ZNF385D: variants seen among roughly 807,000 people sequenced by gnomAD.
ZNF385D encodes the protein zinc finger protein 385D.
ZNF385D carries 15 observed loss-of-function variants against 35.8 expected under a neutral mutation model. That is an observed-to-expected ratio of 0.42 (90% CI 0.28 to 0.64). ZNF385D has a LOEUF of 0.64. ZNF385D is among the 30% of genes least tolerant of loss of function. ZNF385D has a pLI of 0.23. For synonymous variants in ZNF385D, 212 were observed against 186.8 expected, an observed-to-expected ratio of 1.13 and a Z score of -1.10; for missense variants, 474 against 494.6, an observed-to-expected ratio of 0.96 and a Z score of 0.39.
At position 22,301,459 on chromosome 3, in the gene ZNF385D, A is replaced by T. The variant is rs566958889; in HGVS notation, c.106+70991T>A. Among the ~76,000 whole-genome samples, 3 of 152,224 alleles carry T rather than the reference A, an allele frequency of 2.0e-5. No individual in the cohort carries two copies. The South Asian group carries it at 6.2e-4, about 32-fold the overall frequency. On this transcript the variant is annotated intron_variant, in intron 2 of 5. Coordinates refer to the ZNF385D transcript ENST00000494108. ...TCACCACAAAGGAATAAGTATGTACAGTAATGCATATTTGATCAGATTTAG... is the reference window on the plus strand; with the variant it reads ...TCACCACAAAGGAATAAGTATGTACTGTAATGCATATTTGATCAGATTTAG...
At chr3:22,106,322 C>T (rs779181) in intron 3 of ZNF385D, among the ~76,000 whole-genome samples, 118,209 of 152,014 alleles carry the variant, frequency 0.78, 46,868 homozygotes, top group Non-Finnish European at 0.84. Context: ...AGGACAATTA[C>T]TGCTTACATT....
chr3:21,425,260 AGAT>A (rs1480326466), intron 6 of ZNF385D, among the ~76,000 whole-genome samples: 9 of 152,240 alleles, frequency 5.9e-5, no homozygotes, highest in Admixed American at 2.0e-4. Flanking sequence ...AATTTCTGAA[AGAT>A]TCTAGAATCT....
intron 3 of ZNF385D, among the ~76,000 whole-genome samples, chr3:21,870,122 T>C (rs191926704): frequency 6.6e-6 from 1 of 152,224 alleles, no homozygotes; most frequent in Admixed American, 6.6e-5. Flanking sequence ...TAACTGCAGA[T>C]TTAAGGAAAA....
chr3:21,997,841 T>G (rs1695564935), intron 3 of ZNF385D, among the ~76,000 whole-genome samples: 1 of 151,078 alleles, frequency 6.6e-6, no homozygotes, highest in African/African-American at 2.4e-5. Flanking sequence ...GGGTTTTTTG[T>G]TGATGTTGCT....
intron 3 of ZNF385D, among the ~76,000 whole-genome samples, chr3:22,001,656 G>T (rs1352959275): frequency 6.6e-6 from 1 of 151,902 alleles, no homozygotes; most frequent in East Asian, 1.9e-4. Flanking sequence ...ATTTCATCCA[G>T]CAGCTGCAGA....
chr3:22,350,643 A>G (rs1427209639), intron 2 of ZNF385D, among the ~76,000 whole-genome samples: 4 of 152,148 alleles, frequency 2.6e-5, no homozygotes, highest in Non-Finnish European at 5.9e-5. Flanking sequence ...GAAGATAAGC[A>G]TATACTCAAG....
At chr3:22,245,779 T>C (rs2125321175) in intron 2 of ZNF385D, among the ~76,000 whole-genome samples, 1 of 151,782 alleles carries the variant, frequency 6.6e-6, no homozygotes, top group Middle Eastern at 3.4e-3. Context: ...ATGTGGAAAA[T>C]ATTTAGTCCC....
intron 3 of ZNF385D, among the ~76,000 whole-genome samples, chr3:21,785,298 C>T (rs1438365052): frequency 2.0e-5 from 3 of 152,070 alleles, no homozygotes; most frequent in Non-Finnish European, 4.4e-5. Flanking sequence ...TTGATGATTT[C>T]ATATACATGC....
chr3:21,962,457 T>C (rs1183475794), intron 3 of ZNF385D, among the ~76,000 whole-genome samples: 1 of 152,212 alleles, frequency 6.6e-6, no homozygotes, highest in Admixed American at 6.6e-5. Flanking sequence ...CAAGGCATCA[T>C]AGCAGAGGTG....
chr3:21,717,935 C>T (rs777494454), intron 1 of ZNF385D, among the ~76,000 whole-genome samples: 26 of 152,146 alleles, frequency 1.7e-4, no homozygotes, highest in South Asian at 2.1e-4. Flanking sequence ...CTCAAATTCT[C>T]GTCTGCATCA....
At chr3:21,822,648 C>A (rs1694338859) in intron 3 of ZNF385D, among the ~76,000 whole-genome samples, 1 of 151,998 alleles carries the variant, frequency 6.6e-6, no homozygotes, top group Non-Finnish European at 1.5e-5. Flanking sequence ...TTGATACTGG[C>A]ATTATTAAAG....
chr3:21,965,493 C>T (rs1210949768), intron 3 of ZNF385D, among the ~76,000 whole-genome samples: 3 of 142,554 alleles, frequency 2.1e-5, no homozygotes, highest in Non-Finnish European at 4.4e-5. Flanking sequence ...GAAGAACATC[C>T]CTCAGAGTAA....
chr3:21,436,697 AAC>A (rs1196704789), intron 5 of ZNF385D: 1 of 368,366 alleles, frequency 2.7e-6, no homozygotes, highest in African/African-American at 2.1e-5. Flanking sequence ...ATAAATGCAA[AAC>A]ACATTTTAGG....
intron 7 of ZNF385D, among the ~76,000 whole-genome samples, chr3:21,423,025 T>C (rs1443213609): frequency 6.6e-6 from 1 of 152,136 alleles, no homozygotes; most frequent in Non-Finnish European, 1.5e-5. Flanking sequence ...GGAATCCACA[T>C]AAGAAGAGAA....
At chr3:21,557,545 G>A (rs1274082702) in intron 3 of ZNF385D, among the ~76,000 whole-genome samples, 2 of 152,186 alleles carry the variant, frequency 1.3e-5, no homozygotes, top group African/African-American at 2.4e-5. Context: ...GCTTTTTGAT[G>A]TGCTGCTGGA....
chr3:21,787,607 G>T (rs1236009622), intron 3 of ZNF385D, among the ~76,000 whole-genome samples: 2 of 152,002 alleles, frequency 1.3e-5, no homozygotes, highest in Non-Finnish European at 2.9e-5. Context: ...TCAAGGAAAA[G>T]CCAGCTTCCT....
At chr3:22,310,409 C>T (rs1274658232) in intron 2 of ZNF385D, among the ~76,000 whole-genome samples, 1 of 151,920 alleles carries the variant, frequency 6.6e-6, no homozygotes, top group Non-Finnish European at 1.5e-5. Flanking sequence ...TCTCTGATAA[C>T]ATAATTTAAT....
chr3:21,467,353 TATTCTG>T (rs980107290), intron 4 of ZNF385D, among the ~76,000 whole-genome samples: 2 of 152,196 alleles, frequency 1.3e-5, no homozygotes, highest in Non-Finnish European at 2.9e-5. Flanking sequence ...GCCAAAACAT[TATTCTG>T]ATTCTAAGTG....
chr3:21,910,666 T>C (rs1389930987), intron 3 of ZNF385D, among the ~76,000 whole-genome samples: 4 of 151,848 alleles, frequency 2.6e-5, no homozygotes, highest in East Asian at 3.9e-4. Context: ...ACAGACATGA[T>C]TGATAGGTCA....
Sources: allele counts gnomAD v4.1 joint callset (sites outside exome capture counted in the v4.1 genomes callset), GRCh38; gene constraint gnomAD v4.1.1; transcripts MANE v1.5; gene names NCBI Gene and HGNC (gene_info 2026-07-23, HGNC 2026-07-21).